GRID1: variants seen among roughly 807,000 people sequenced by gnomAD.
GRID1 encodes the protein glutamate receptor ionotropic, delta-1.
A neutral mutation model predicts 98.0 loss-of-function variants in GRID1; 28 were observed. The observed-to-expected ratio is 0.29, with a 90% CI of 0.21 to 0.39. The LOEUF is 0.39. Ranked by LOEUF, GRID1 falls within the 10% of genes least tolerant of loss-of-function variation. The pLI is 1.00. For synonymous variants in GRID1, 553 were observed against 538.5 expected (o/e 1.03, Z -0.37); for missense variants, 1,111 against 1,340.5 (o/e 0.83, Z 2.67).
intron 5 of GRID1, among the ~76,000 whole-genome samples, chr10:85,890,231 C>T (rs1018726197): frequency 2.6e-5 from 4 of 151,760 alleles, no homozygotes; most frequent in African/African-American, 9.7e-5. Flanking sequence ...TATTGACCAT[C>T]GGGCAAACTA....
chr10:85,933,940 T>C (rs1012567653), intron 4 of GRID1, among the ~76,000 whole-genome samples: 1 of 152,188 alleles, frequency 6.6e-6, no homozygotes, highest in Non-Finnish European at 1.5e-5. Flanking sequence ...GGATGAATGA[T>C]TTAAAAATGT....
intron 4 of GRID1, among the ~76,000 whole-genome samples, chr10:86,116,736 C>G (rs1297954662): frequency 6.6e-6 from 1 of 151,892 alleles, no homozygotes; most frequent in East Asian, 1.9e-4. Flanking sequence ...AGAGGAGCAC[C>G]AGCAGCCTGA....
chr10:85,703,454 G>C (rs947717572), intron 12 of GRID1, among the ~76,000 whole-genome samples: 1 of 151,922 alleles, frequency 6.6e-6, no homozygotes, highest in Non-Finnish European at 1.5e-5. Flanking sequence ...ACGCCATATA[G>C]GATGTTAAGA....
rs112321854 is a variant in GRID1 at position 85,699,932 on chromosome 10, T to C, written c.1997+23071A>G. The stretch of plus-strand genomic sequence containing the variant: ...TCTTAAATTGCAGTTTATACCAACA[T>C]GCCTATTTTACATATATGGAAACTA... On this transcript the variant is annotated intron_variant, in intron 12 of 15. Transcript: ENST00000327946. 5.9e-5 allele frequency among the ~76,000 whole-genome samples: 9 copies of C among 152,330 alleles called. 1 individual carries two copies. The highest frequency in any genetic ancestry group is 1.7e-4 in the African/African-American group (7 of 41,582).
At chr10:85,998,908 A>G (rs1842771147) in intron 4 of GRID1, among the ~76,000 whole-genome samples, 1 of 152,212 alleles carries the variant, frequency 6.6e-6, no homozygotes, top group African/African-American at 2.4e-5. Context: ...ATAGAACACC[A>G]ACTCATTGAA....
At position 86,366,074 on chromosome 10, in the gene GRID1, T is replaced by C. The variant is rs777219713; in HGVS notation, c.79+240A>G. Among the ~76,000 whole-genome samples, 4 of 151,556 alleles carry C rather than the reference T, an allele frequency of 2.6e-5. No individual in the cohort carries two copies. Among genetic ancestry groups the C allele is most frequent in the Non-Finnish European group, 5.9e-5 (4 of 67,814 alleles). On this transcript the variant is annotated intron_variant, in intron 1 of 15. Coordinates refer to ENST00000327946, the MANE Select transcript of GRID1 (RefSeq NM_017551.3). The surrounding 1 kb of genome is among the most constrained non-coding windows in gnomAD (Gnocchi z 4.1). Reference sequence around the variant, plus strand: ...TGTTCCCCGAAGCGTCGGCCCTAAGTGTCGGTAGAGGCCGCGGGGCCCCGC... The same window carrying C: ...TGTTCCCCGAAGCGTCGGCCCTAAGCGTCGGTAGAGGCCGCGGGGCCCCGC...
Position 86,195,206 on chromosome 10 carries a change from G to C in GRID1, c.520+11158C>G, listed in dbSNP as rs1376626058. Among the ~76,000 whole-genome samples the C allele has an allele frequency of 1.3e-5, 2 of 152,050 alleles. No individual in the cohort carries two copies. Among genetic ancestry groups the C allele is most frequent in the African/African-American group, 4.8e-5 (2 of 41,436 alleles). On this transcript the variant is annotated intron_variant, in intron 3 of 15. Coordinates refer to ENST00000327946, the MANE Select transcript of GRID1 (RefSeq NM_017551.3). This position sits in a 1 kb window ranked among gnomAD's most constrained non-coding sequence, Gnocchi z 4.4. Reference sequence around the variant, plus strand: ...GCCACACTGCACAGTCAGCGACTGTGCTTGACTGAGAAACAGCCAAGCAAA... The same window carrying C: ...GCCACACTGCACAGTCAGCGACTGTCCTTGACTGAGAAACAGCCAAGCAAA...
chr10:85,683,706 T>C (rs10788463), intron 12 of GRID1, among the ~76,000 whole-genome samples: 40,611 of 152,182 alleles, frequency 0.27, 5,602 homozygotes, highest in Middle Eastern at 0.37. Context: ...TTCCTATAAC[T>C]ATTAAGAAAA....
intron 8 of GRID1, among the ~76,000 whole-genome samples, chr10:85,735,622 G>T (rs1418411502): frequency 6.6e-6 from 1 of 152,088 alleles, no homozygotes; most frequent in Non-Finnish European, 1.5e-5. Context: ...TTGGAAGATT[G>T]GGCTTTGTGT....
chr10:85,888,912 T>G (rs1161597442), intron 5 of GRID1, among the ~76,000 whole-genome samples: 1 of 152,214 alleles, frequency 6.6e-6, no homozygotes, highest in Non-Finnish European at 1.5e-5. Context: ...TCATTCAATT[T>G]CCTTTAATTC....
At chr10:86,210,302 T>C (rs1365773043) in intron 2 of GRID1, among the ~76,000 whole-genome samples, 2 of 152,136 alleles carry the variant, frequency 1.3e-5, no homozygotes, top group Admixed American at 6.5e-5. Context: ...AGCATTCGGA[T>C]CTCAAGCATT....
intron 4 of GRID1, among the ~76,000 whole-genome samples, chr10:86,063,290 C>A (rs192241534): frequency 1.3e-5 from 2 of 152,304 alleles, no homozygotes; most frequent in Admixed American, 1.3e-4. Flanking sequence ...TAGTGGAAAA[C>A]CCACAGGTGC....
intron 8 of GRID1, among the ~76,000 whole-genome samples, chr10:85,750,613 G>T (rs942968529): frequency 2.0e-5 from 3 of 152,132 alleles, no homozygotes; most frequent in African/African-American, 7.2e-5. Context: ...ACCTAGCAAT[G>T]ATATCTAGAA....
chr10:86,303,541 T>C (rs1488826844), intron 2 of GRID1, among the ~76,000 whole-genome samples: 1 of 152,216 alleles, frequency 6.6e-6, no homozygotes, highest in Non-Finnish European at 1.5e-5. Flanking sequence ...CTAAGAGGCA[T>C]GACAGCTGCA....
At chr10:85,851,990 G>T (rs1413643926) in intron 8 of GRID1, among the ~76,000 whole-genome samples, 1 of 151,702 alleles carries the variant, frequency 6.6e-6, no homozygotes, top group East Asian at 1.9e-4. Context: ...CTACCACTCA[G>T]CTCTGCCTCC....
At chr10:86,164,695 G>A (rs1845372751) in intron 3 of GRID1, among the ~76,000 whole-genome samples, 1 of 152,186 alleles carries the variant, frequency 6.6e-6, no homozygotes, top group African/African-American at 2.4e-5. Flanking sequence ...AATGGGTACA[G>A]AGAGGTGGGA....
chr10:85,734,854 A>G (rs1318165674), intron 8 of GRID1, among the ~76,000 whole-genome samples: 1 of 151,308 alleles, frequency 6.6e-6, no homozygotes, highest in Non-Finnish European at 1.5e-5. Flanking sequence ...CACAAGAAAT[A>G]ATCCAGTGGA....
At chr10:85,741,953 T>A (rs1347842782) in intron 8 of GRID1, among the ~76,000 whole-genome samples, 3 of 152,222 alleles carry the variant, frequency 2.0e-5, no homozygotes, top group African/African-American at 7.2e-5. Context: ...TGGTTGGCTC[T>A]TTCTCATCTG....
intron 3 of GRID1, among the ~76,000 whole-genome samples, chr10:86,172,933 T>C (rs895523359): frequency 1.3e-5 from 2 of 152,230 alleles, no homozygotes; most frequent in Admixed American, 1.3e-4. Flanking sequence ...TGTTACCACC[T>C]ACACCTCACC....
Sources: gnomAD v4.1 joint callset for allele counts (sites outside exome capture counted in the v4.1 genomes callset) on GRCh38, gnomAD v4.1.1 for gene constraint, Gnocchi (gnomAD v3.1) non-coding constraint, MANE v1.5 for transcripts, NCBI Gene and HGNC (gene_info 2026-07-23, HGNC 2026-07-21) for gene names.